Variants in MARCHF11 observed in about 807,000 individuals in gnomAD.
The protein encoded by MARCHF11 is E3 ubiquitin-protein ligase MARCHF11.
MARCHF11 carries 29 observed loss-of-function variants against 37.3 expected under a neutral mutation model. That is an observed-to-expected ratio of 0.78 (90% CI 0.58 to 1.06). The LOEUF is 1.06. MARCHF11 is among the 50% of genes least tolerant of loss of function. The pLI, the probability that MARCHF11 is intolerant of heterozygous loss-of-function variation, is 0.00. For missense variants in MARCHF11, 482 were observed against 533.4 expected (o/e 0.90, Z 0.95); for synonymous variants, 233 against 228.0 (o/e 1.02, Z -0.20).
intron 3 of MARCHF11, among the ~76,000 whole-genome samples, chr5:16,090,120 C>G (rs887788921): frequency 2.6e-5 from 4 of 152,068 alleles, no homozygotes; most frequent in Non-Finnish European, 4.4e-5. Flanking sequence ...GAAAATGCTC[C>G]CAATGCCGTG....
At chr5:16,145,480 T>TC in intron 2 of MARCHF11, among the ~76,000 whole-genome samples, 3 of 152,260 alleles carry the variant, frequency 2.0e-5, no homozygotes, top group African/African-American at 7.2e-5. Context: ...ATATTGGACT[T>TC]CCCAGCCTCT....
intron 2 of MARCHF11, among the ~76,000 whole-genome samples, chr5:16,174,903 G>A (rs1375880377): frequency 6.6e-6 from 1 of 152,194 alleles, no homozygotes; most frequent in African/African-American, 2.4e-5. Flanking sequence ...TCTGAGTTGG[G>A]CCTCTGTCTA....
rs557038939 is a variant in MARCHF11 at position 16,078,642 on chromosome 5, G to A, written c.887-10849C>T. On this transcript the variant is annotated intron_variant, in intron 3 of 3. Coordinates refer to ENST00000332432, the MANE Select transcript of MARCHF11 (RefSeq NM_001102562.3). ...ATAGTACAAATCCAACAGTTCCCCA[G>A]AGGGGCAGGGTTCGTTCTGAAGTAC... 3.3e-5 allele frequency among the ~76,000 whole-genome samples: 5 copies of A among 152,296 alleles called. No homozygotes were observed. The East Asian group carries it at 9.7e-4, about 30-fold the overall frequency.
intron 2 of MARCHF11, among the ~76,000 whole-genome samples, chr5:16,140,252 G>A (rs754915934): frequency 8.6e-5 from 13 of 151,752 alleles, no homozygotes; most frequent in Non-Finnish European, 1.6e-4. Flanking sequence ...TTCAATTCAA[G>A]AAATGTAAGG....
chr5:16,140,414 T>C (rs184566949), intron 2 of MARCHF11, among the ~76,000 whole-genome samples: 157 of 152,308 alleles, frequency 1.0e-3, no homozygotes, highest in African/African-American at 3.6e-3. Flanking sequence ...ACCTGAATGA[T>C]GGGTCATTGT....
At position 16,125,288 on chromosome 5, in the gene MARCHF11, A is replaced by G. The variant is rs139416853; in HGVS notation, c.694-34207T>C. The stretch of plus-strand genomic sequence containing the variant: ...AATACTGGGCCCAAAGCCAATCTGT[A>G]TATTAAACATTGGGAAAGCTGCTGT... On this transcript the variant is annotated intron_variant, in intron 2 of 3. Coordinates refer to ENST00000332432, the MANE Select transcript of MARCHF11 (RefSeq NM_001102562.3). Among the ~76,000 whole-genome samples the G allele has an allele frequency of 7.2e-3, 1,030 of 143,508 alleles. 38 individuals carry two copies. The highest frequency in any genetic ancestry group is 0.011 in the Non-Finnish European group (679 of 62,386). The allele number at this position is 143,508 out of a possible 152,430, so 94.1% of individuals were successfully genotyped here.
At chr5:16,160,696 T>C (rs961534676) in intron 2 of MARCHF11, among the ~76,000 whole-genome samples, 1 of 151,886 alleles carries the variant, frequency 6.6e-6, no homozygotes, top group East Asian at 1.9e-4. Context: ...TGGAAAATGA[T>C]TGATTAAATC....
chr5:16,099,341 T>C lies in MARCHF11; in HGVS notation c.694-8260A>G, dbSNP rs975217527. ...AGTGTTTCAAATTTTTATAGAATCA[T>C]TATAACCCATAAAAGAGAGGGAGAA... On this transcript the variant is annotated intron_variant, in intron 2 of 3. Coordinates refer to ENST00000332432, the MANE Select transcript of MARCHF11 (RefSeq NM_001102562.3). 2.6e-5 allele frequency among the ~76,000 whole-genome samples: 4 copies of C among 152,172 alleles called. 1 individual carries two copies. Among genetic ancestry groups the C allele is most frequent in the Non-Finnish European group, 5.9e-5 (4 of 68,036 alleles).
chr5:16,092,316 T>C lies in MARCHF11; in HGVS notation c.694-1235A>G, dbSNP rs116514631. Among the ~76,000 whole-genome samples, 702 of 152,332 alleles carry C rather than the reference T, an allele frequency of 4.6e-3. 6 individuals carry two copies. Among genetic ancestry groups the C allele is most frequent in the African/African-American group, 0.016 (651 of 41,566 alleles). The stretch of plus-strand genomic sequence containing the variant: ...TATTAAATTCTACATTTGTTAAAGA[T>C]TAAATACCAATGTACATTTGAAATA... On this transcript the variant is annotated intron_variant, in intron 2 of 3. Coordinates refer to ENST00000332432, the MANE Select transcript of MARCHF11 (RefSeq NM_001102562.3).
intron 2 of MARCHF11, among the ~76,000 whole-genome samples, chr5:16,172,038 C>T (rs184966145): frequency 8.5e-4 from 129 of 152,284 alleles, no homozygotes; most frequent in Admixed American, 1.3e-3. Flanking sequence ...CCCCAAGCCT[C>T]GTTCTAAATA....
At chr5:16,075,832 C>T (rs944344979) in intron 3 of MARCHF11, among the ~76,000 whole-genome samples, 4 of 151,972 alleles carry the variant, frequency 2.6e-5, no homozygotes, top group African/African-American at 9.7e-5. Flanking sequence ...TTGGGGGTAA[C>T]GGTGGTGAGG....
At chr5:16,109,630 T>C (rs1737104202) in intron 2 of MARCHF11, among the ~76,000 whole-genome samples, 1 of 152,156 alleles carries the variant, frequency 6.6e-6, no homozygotes, top group Non-Finnish European at 1.5e-5. Context: ...TGAACCATTC[T>C]AGCTAACAAC....
At chr5:16,146,777 C>G (rs1339530578) in intron 2 of MARCHF11, among the ~76,000 whole-genome samples, 1 of 152,158 alleles carries the variant, frequency 6.6e-6, no homozygotes, top group Non-Finnish European at 1.5e-5. Flanking sequence ...AACAATAACA[C>G]ACTTTGAAGG....
intron 2 of MARCHF11, chr5:16,141,160 T>G (rs1192729601): frequency 2.0e-5 from 3 of 152,210 alleles, no homozygotes; most frequent in Non-Finnish European, 4.4e-5. Flanking sequence ...ATCTCCCTGC[T>G]TCTTCCCACC....
intron 2 of MARCHF11, among the ~76,000 whole-genome samples, chr5:16,176,624 T>G (rs1412589784): frequency 6.6e-6 from 1 of 152,196 alleles, no homozygotes; most frequent in Non-Finnish European, 1.5e-5. Flanking sequence ...CTATCAGATA[T>G]GCAAATTAAT....
chr5:16,158,671 A>C (rs554970046), intron 2 of MARCHF11, among the ~76,000 whole-genome samples: 1 of 152,102 alleles, frequency 6.6e-6, no homozygotes, highest in Non-Finnish European at 1.5e-5. Flanking sequence ...CAACATGTTG[A>C]CTATAGTTAA....
intron 1 of MARCHF11, among the ~76,000 whole-genome samples, chr5:16,178,444 A>G (rs1738401823): frequency 6.6e-6 from 1 of 152,220 alleles, no homozygotes; most frequent in South Asian, 2.1e-4. Context: ...ACTCTCATAT[A>G]AGTTTGCATG....
intron 3 of MARCHF11, among the ~76,000 whole-genome samples, chr5:16,072,983 G>T (rs1736463464): frequency 6.6e-6 from 1 of 152,128 alleles, no homozygotes; most frequent in South Asian, 2.1e-4. Flanking sequence ...ACAAACTCCA[G>T]AACTTAATTT....
chr5:16,151,980 T>C lies in MARCHF11; in HGVS notation c.693+25746A>G, dbSNP rs555994712. Among the ~76,000 whole-genome samples, 10 of 152,092 alleles carry C rather than the reference T, an allele frequency of 6.6e-5. No homozygotes were observed. The East Asian group carries it at 1.9e-3, about 30-fold the overall frequency. On this transcript the variant is annotated intron_variant, in intron 2 of 3. Transcript: ENST00000332432. ...CCATTTTTTTGGTCTCTTTCCTAAT[T>C]TGGTTAGCTAGCACTTTCAGAACAA... is the stretch of plus-strand genomic sequence containing the variant.
Sources: allele counts gnomAD v4.1 joint callset (sites outside exome capture counted in the v4.1 genomes callset), GRCh38; gene constraint gnomAD v4.1.1; transcripts MANE v1.5; gene names NCBI Gene and HGNC (gene_info 2026-07-23, HGNC 2026-07-21).